Variants in CIT observed in about 807,000 individuals in gnomAD.
CIT encodes citron Rho-interacting kinase.
Under a neutral mutation model 272.7 loss-of-function variants are expected in CIT, and 79 were observed. That is an observed-to-expected ratio of 0.29 (90% confidence interval 0.24 to 0.35). CIT has a LOEUF of 0.35. Among genes scored for constraint, CIT ranks in the 10% least tolerant of loss-of-function variants. The pLI is 1.00. For synonymous variants in CIT, 948 were observed against 995.6 expected, an observed-to-expected ratio of 0.95 and a Z score of 0.90; for missense variants, 1,909 against 2,618.3, an observed-to-expected ratio of 0.73 and a Z score of 5.91.
chr12:119,784,586 C>T lies in CIT; in HGVS notation c.1401+374G>A. 1 of 1,176,512 alleles carries T rather than the reference C, an allele frequency of 8.5e-7. No individual in the cohort carries two copies. The highest frequency in any genetic ancestry group is 1.1e-6 in the Non-Finnish European group (1 of 944,144). The allele number at this position is 1,176,512 out of a possible 1,614,324, so 72.9% of individuals were successfully genotyped here. On this transcript the variant is annotated intron_variant, in intron 11 of 47. Transcript: ENST00000392521. This position sits in a 1 kb window ranked among gnomAD's most constrained non-coding sequence, Gnocchi z 4.7. ...GTAATCAACACAGTGGCCGCAGTGACATAAGCAGGAGTTTTAAAAGACTAG... is the reference window on the plus strand; with the variant it reads ...GTAATCAACACAGTGGCCGCAGTGATATAAGCAGGAGTTTTAAAAGACTAG...
chr12:119,866,977 C>T (rs1329190221), intron 3 of CIT, among the ~76,000 whole-genome samples: 1 of 152,034 alleles, frequency 6.6e-6, no homozygotes, highest in Non-Finnish European at 1.5e-5. Flanking sequence ...CATAGAGGTG[C>T]CATGTGGACA....
At chr12:119,752,369 C>A in intron 22 of CIT, 122 bp from the exon 23 acceptor site, 1 of 863,658 alleles carries the variant, frequency 1.2e-6, no homozygotes, top group Non-Finnish European at 1.7e-6. Flanking sequence ...ACCACCTTCT[C>A]GGCACTCGAT....
chr12:119,836,284 TAA>T (rs201559880), intron 5 of CIT, among the ~76,000 whole-genome samples: 4 of 42,254 alleles, frequency 9.5e-5, no homozygotes, highest in Non-Finnish European at 1.3e-4. Context: ...AGACTCCATC[TAA>T]AAAAAAAAAA....
chr12:119,843,745 G>A (rs1189349963), intron 5 of CIT, among the ~76,000 whole-genome samples: 5 of 152,006 alleles, frequency 3.3e-5, no homozygotes, highest in African/African-American at 1.2e-4. Flanking sequence ...GGGAGGCAGA[G>A]GTTGCAGTGA....
chr12:119,825,174 C>G lies in CIT; in HGVS notation c.948G>C (p.Met316Ile). The part of the protein sequence containing the change: ...GTSARTFNNI[M>I]NFQRFLKFPD... ...TCTAAGGACTCTTTACCTGGAAATT[C>G]ATAATGTTATTGAAGGTTCTGGCAG... Residue 316 changes from methionine to isoleucine, a missense_variant, in exon 8 of 48, where the codon ATG becomes ATC. Met to Ile is a conservative substitution (Grantham distance 10, BLOSUM62 1). Around this residue, in one of 8 missense-constraint regions of CIT, gnomAD observed 529 missense variants for 549.6 expected, o/e 0.96. Transcript: ENST00000392521. 4.3e-6 allele frequency: 7 copies of G among 1,612,724 alleles called. No individual in the cohort carries two copies. Among genetic ancestry groups the G allele is most frequent in the Non-Finnish European group, 5.1e-6 (6 of 1,179,440 alleles).
intron 23 of CIT, among the ~76,000 whole-genome samples, chr12:119,750,890 G>C (rs1038196965): frequency 6.6e-6 from 1 of 152,050 alleles, no homozygotes; most frequent in African/African-American, 2.4e-5. Flanking sequence ...CCCAATCAAA[G>C]AGAGGTTTAG....
At chr12:119,750,528 G>A (rs1960079269) in intron 23 of CIT, among the ~76,000 whole-genome samples, 1 of 151,946 alleles carries the variant, frequency 6.6e-6, no homozygotes, top group Admixed American at 6.6e-5. Context: ...TTCTCATAGA[G>A]ACTATGGAAC....
rs1375325259 is a variant in CIT, at chr12:119,694,569, C to G, written c.5882+3090G>C. On this transcript the variant is annotated intron_variant, in intron 46 of 47. Transcript: ENST00000392521. The surrounding 1 kb of genome is among the most constrained non-coding windows in gnomAD (Gnocchi z 4.5). Reference sequence around the variant, plus strand: ...CTGTAATCCCAGCACTTTGGGGGGCCAGGGCAGGCAAATTGCTTGAGCCCA... The same window carrying G: ...CTGTAATCCCAGCACTTTGGGGGGCGAGGGCAGGCAAATTGCTTGAGCCCA... Among the ~76,000 whole-genome samples the G allele has an allele frequency of 6.6e-6, 1 of 152,088 alleles. No individual in the cohort carries two copies. Among genetic ancestry groups the G allele is most frequent in the Non-Finnish European group, 1.5e-5 (1 of 68,014 alleles).
intron 12 of CIT, chr12:119,782,919 A>G: frequency 1.0e-5 from 3 of 296,414 alleles, no homozygotes; most frequent in East Asian, 1.3e-4. Flanking sequence ...ACTTACTTGC[A>G]TGTTCAGGAC....
rs759351507 is a variant in CIT at position 119,783,893 on chromosome 12, T to A, written c.1545+15A>T. On this transcript the variant is annotated intron_variant, in intron 12 of 47. Coordinates refer to ENST00000392521, the MANE Select transcript of CIT (RefSeq NM_001206999.2). ...GTGCCACCTCCAAGGGAAGGGGGCT[T>A]CAGGGAAGGCTCACACTGCATTCTG... The A allele has an allele frequency of 1.4e-5, 22 of 1,554,936 alleles. No individual in the cohort carries two copies. In the Admixed American group the frequency reaches 4.4e-4, roughly 31 times the overall value.
Position 119,694,699 on chromosome 12 carries a change from G to C in CIT, c.5882+2960C>G, listed in dbSNP as rs752351691. On this transcript the variant is annotated intron_variant, in intron 46 of 47. Coordinates refer to ENST00000392521, the MANE Select transcript of CIT (RefSeq NM_001206999.2). This position sits in a 1 kb window ranked among gnomAD's most constrained non-coding sequence, Gnocchi z 4.5. Reference sequence around the variant, plus strand: ...GGCGCCTGTAGTCCCAGCTACTCGGGGGGAGGCTGAAGTCGGGGGCTCTCT... The same window carrying C: ...GGCGCCTGTAGTCCCAGCTACTCGGCGGGAGGCTGAAGTCGGGGGCTCTCT... Among the ~76,000 whole-genome samples the C allele has an allele frequency of 6.6e-6, 1 of 152,066 alleles. No homozygotes were observed. Among genetic ancestry groups the C allele is most frequent in the Non-Finnish European group, 1.5e-5 (1 of 68,010 alleles).
At chr12:119,720,423 G>T in intron 30 of CIT, 55 bp downstream of exon 30, 1 of 1,184,918 alleles carries the variant, frequency 8.4e-7, no homozygotes. Flanking sequence ...TGTCCACTGA[G>T]CCATGAATGA....
At position 119,804,089 on chromosome 12, in the gene CIT, G is replaced by C. The variant is rs1966436130; in HGVS notation, c.1112-700C>G. The C allele has an allele frequency of 1.2e-6, 1 of 847,868 alleles. No individual in the cohort carries two copies. Among genetic ancestry groups the C allele is most frequent in the Non-Finnish European group, 1.4e-6 (1 of 705,172 alleles). 52.5% of individuals were successfully genotyped at this position (847,868 alleles called of 1,614,324 possible). A position where few individuals can be genotyped will look rare whatever the true frequency, so the allele number is the denominator to read the frequency against. On this transcript the variant is annotated intron_variant, in intron 9 of 47. Transcript: ENST00000392521. This position sits in a 1 kb window ranked among gnomAD's most constrained non-coding sequence, Gnocchi z 5.3. Reference sequence around the variant, plus strand: ...CATAATGAAGCACCAGCCAAATAAAGTTCCTACCGGTGATCTACAGCACCC... The same window carrying C: ...CATAATGAAGCACCAGCCAAATAAACTTCCTACCGGTGATCTACAGCACCC...
intron 37 of CIT, among the ~76,000 whole-genome samples, chr12:119,711,316 T>G (rs1011970193): frequency 2.6e-5 from 4 of 152,242 alleles, no homozygotes; most frequent in Non-Finnish European, 4.4e-5. Flanking sequence ...GAGCACTGTT[T>G]GTATCCTGGA....
intron 10 of CIT, among the ~76,000 whole-genome samples, chr12:119,796,978 A>G (rs1965782717): frequency 6.6e-6 from 1 of 152,200 alleles, no homozygotes; most frequent in Non-Finnish European, 1.5e-5. Context: ...GTATTGTTGA[A>G]GAGGTGGAAA....
intron 26 of CIT, among the ~76,000 whole-genome samples, 188 bp downstream of exon 26, chr12:119,733,976 C>T (rs927178525): frequency 2.0e-5 from 3 of 152,016 alleles, no homozygotes; most frequent in African/African-American, 4.8e-5. Context: ...ACACTATCTA[C>T]GTTTACAACT....
Position 119,701,684 on chromosome 12 carries a change from C to T in CIT, c.5482G>A (p.Val1828Ile). 5 of 1,614,186 alleles carry T rather than the reference C, an allele frequency of 3.1e-6. No individual in the cohort carries two copies. The highest frequency in any genetic ancestry group is 4.2e-6 in the Non-Finnish European group (5 of 1,180,032). The change falls in exon 43 of 48, where the codon GTC (valine) becomes ATC (isoleucine). Residue 1828 changes from valine (V) to isoleucine (I), a missense_variant. Coordinates refer to ENST00000392521, the MANE Select transcript of CIT (RefSeq NM_001206999.2). Reference sequence around the variant, plus strand: ...GCGCTGTTCACCTGCACGATTGAGACAGGGAAGCTGTTGGAAGAGGCGGCA... The same window carrying T: ...GCGCTGTTCACCTGCACGATTGAGATAGGGAAGCTGTTGGAAGAGGCGGCA... ...VFAASSNSFP[V>I]SIVQVNSAGQ...
chr12:119,737,926 C>T (rs1012984537), intron 24 of CIT, among the ~76,000 whole-genome samples: 11 of 152,130 alleles, frequency 7.2e-5, no homozygotes, highest in Middle Eastern at 3.2e-3. Context: ...CACACACATA[C>T]GTTACTGAGT....
intron 10 of CIT, among the ~76,000 whole-genome samples, chr12:119,793,771 C>T (rs548640174): frequency 1.3e-5 from 2 of 152,354 alleles, no homozygotes; most frequent in East Asian, 1.9e-4. Flanking sequence ...GGGATGCTTG[C>T]TCCTTTGCAT....
Sources: allele counts gnomAD v4.1 joint callset (sites outside exome capture counted in the v4.1 genomes callset), GRCh38; gene constraint gnomAD v4.1.1; regional missense constraint gnomAD v4.1.1; non-coding constraint Gnocchi (gnomAD v3.1); transcripts MANE v1.5; gene names NCBI Gene and HGNC (gene_info 2026-07-23, HGNC 2026-07-21).